MAN2A2: variants seen among roughly 807,000 people sequenced by gnomAD.
The protein encoded by MAN2A2 is alpha-mannosidase 2x.
Under a neutral mutation model 126.8 loss-of-function variants are expected in MAN2A2, and 79 were observed. The observed-to-expected ratio is 0.62, with a 90% CI of 0.52 to 0.75. The LOEUF is 0.75. Ranked by LOEUF, MAN2A2 falls within the 30% of genes least tolerant of loss-of-function variation. The pLI is 0.00. For synonymous variants in MAN2A2, 671 were observed against 618.7 expected (o/e 1.08, Z -1.25); for missense variants, 1,392 against 1,522.4 (o/e 0.91, Z 1.43).
At position 90,916,270 on chromosome 15, in the gene MAN2A2, C is replaced by T; in HGVS notation, c.2994+14C>T. 6.2e-7 allele frequency: 1 copy of T among 1,611,660 alleles called. No homozygotes were observed. The highest frequency in any genetic ancestry group is 1.1e-5 in the South Asian group (1 of 90,944). The stretch of plus-strand genomic sequence containing the variant: ...GTGGGCAGTGAGGTAACATCTGGGG[C>T]TGACGCCCAGGGAGCCAGGTCTGGC... On this transcript the variant is annotated intron_variant, in intron 20 of 22. Coordinates refer to ENST00000559717, the MANE Select transcript of MAN2A2 (RefSeq NM_006122.4).
intron 2 of MAN2A2, among the ~76,000 whole-genome samples, chr15:90,904,827 T>C (rs1287066332): frequency 6.6e-6 from 1 of 152,210 alleles, no homozygotes; most frequent in Non-Finnish European, 1.5e-5. Context: ...ACTCCTGACC[T>C]CAGGTGATCC....
Position 90,909,243 on chromosome 15 carries a change from G to A in MAN2A2, c.1197-84G>A. ...CCTTGGTGGATGGGATGTCTTCTAG[G>A]GGCTTGCTGGCGGGATGGCTGTGCG... On this transcript the variant is annotated intron_variant, in intron 8 of 22. Transcript: ENST00000559717. 2.9e-6 allele frequency: 4 copies of A among 1,380,548 alleles called. No individual in the cohort carries two copies. The Admixed American group carries it at 8.2e-5, about 28-fold the overall frequency. 85.5% of individuals were successfully genotyped at this position (1,380,548 alleles called of 1,614,324 possible).
At chr15:90,903,617 G>GA (rs2034011555) in intron 1 of MAN2A2, 185 bp downstream of exon 1, 1 of 195,206 alleles carries the variant, frequency 5.1e-6, no homozygotes, top group Non-Finnish European at 1.1e-5. Context: ...GAACAGTAGA[G>GA]AAACAGGGAG....
At chr15:90,911,272 A>G (rs770355740) in intron 13 of MAN2A2, 34 bp downstream of exon 13, 2 of 1,613,154 alleles carry the variant, frequency 1.2e-6, no homozygotes, top group South Asian at 2.2e-5. Flanking sequence ...AGAGAGGCAG[A>G]GCCATTCCCT....
intron 3 of MAN2A2, 23 bp downstream of exon 3, chr15:90,905,531 A>G (rs2034205529): frequency 6.2e-7 from 1 of 1,614,078 alleles, no homozygotes; most frequent in Middle Eastern, 1.6e-4. Flanking sequence ...GCTGGCAGGG[A>G]CGTACAGTGG....
At chr15:90,915,953 C>T (rs2035138792) in intron 19 of MAN2A2, 170 bp from the exon 20 acceptor site, 2 of 631,530 alleles carry the variant, frequency 3.2e-6, no homozygotes, top group Non-Finnish European at 5.3e-6. Flanking sequence ...ACGAGCCCCT[C>T]ATCAGGTTCC....
Position 90,913,416 on chromosome 15 carries a change from G to T in MAN2A2, c.2718+10G>T. 1.9e-6 allele frequency: 3 copies of T among 1,582,140 alleles called. No individual in the cohort carries two copies. The highest frequency in any genetic ancestry group is 2.6e-6 in the Non-Finnish European group (3 of 1,151,176). Reference sequence around the variant, plus strand: ...CCTCAATGGCTTTCAGGTGACTCCTGGGCCTGGGTCTCGGAGACCCCACAG... The same window carrying T: ...CCTCAATGGCTTTCAGGTGACTCCTTGGCCTGGGTCTCGGAGACCCCACAG... On this transcript the variant is annotated intron_variant, in intron 18 of 22. Coordinates refer to ENST00000559717, the MANE Select transcript of MAN2A2 (RefSeq NM_006122.4).
intron 16 of MAN2A2, 35 bp downstream of exon 16, chr15:90,912,699 A>G: frequency 6.2e-7 from 1 of 1,612,850 alleles, no homozygotes; most frequent in Non-Finnish European, 8.5e-7. Context: ...CCTGGCAGGG[A>G]GGGCAGGAGG....
intron 12 of MAN2A2, 72 bp from the exon 13 acceptor site, chr15:90,911,099 C>T: frequency 6.4e-7 from 1 of 1,552,726 alleles, no homozygotes; most frequent in Non-Finnish European, 8.9e-7. Flanking sequence ...CGCTGGTCCA[C>T]ACCTGGGACA....
At chr15:90,910,786 A>C in intron 11 of MAN2A2, 61 bp from the exon 12 acceptor site, 1 of 1,598,976 alleles carries the variant, frequency 6.3e-7, no homozygotes, top group South Asian at 1.1e-5. Context: ...TGTCCTGCTG[A>C]CAAGGCAGAC....
In MAN2A2 at chr15:90,906,801, C is replaced by A. The variant is rs762704351; in HGVS notation, c.897C>A (p.Tyr299Ter). Residue 299 changes from tyrosine to a stop codon, truncating the protein, a stop_gained, in exon 7 of 23, where the codon TAC becomes TAA. Coordinates refer to ENST00000559717, the MANE Select transcript of MAN2A2 (RefSeq NM_006122.4). LOFTEE classifies it high-confidence loss of function. Reference sequence around the variant, plus strand: ...TTGGATACAGCTCCACCATGCCTTACCTGCTGCGCCGTGCCAACCTCACCA... The same window carrying A: ...TTGGATACAGCTCCACCATGCCTTAACTGCTGCGCCGTGCCAACCTCACCA... ...DPFGYSSTMP[Y>*]LLRRANLTSM... The A allele has an allele frequency of 1.2e-6, 2 of 1,613,926 alleles. No homozygotes were observed. Among genetic ancestry groups the A allele is most frequent in the Non-Finnish European group, 1.7e-6 (2 of 1,179,992 alleles).
intron 22 of MAN2A2, 57 bp from the exon 23 acceptor site, chr15:90,919,578 A>G (rs2151333939): frequency 6.3e-7 from 1 of 1,590,312 alleles, no homozygotes; most frequent in South Asian, 1.1e-5. Flanking sequence ...ATGAACAGCC[A>G]CATTCTTTAG....
chr15:90,915,057 G>A lies in MAN2A2; in HGVS notation c.2861-1066G>A, dbSNP rs148917673. Among the ~76,000 whole-genome samples the A allele has an allele frequency of 7.9e-3, 1,200 of 152,342 alleles. 8 individuals are homozygous for A. The highest frequency in any genetic ancestry group is 0.013 in the Non-Finnish European group (868 of 68,026). On this transcript the variant is annotated intron_variant, in intron 19 of 22. Transcript: ENST00000559717. The stretch of plus-strand genomic sequence containing the variant: ...GTGGCCCAATGGCTGGCAAGTTCGG[G>A]GGCCTGACTCCCTGCTGGGAGGAGT...
intron 13 of MAN2A2, 54 bp downstream of exon 13, chr15:90,911,292 G>A: frequency 6.2e-7 from 1 of 1,613,134 alleles, no homozygotes; most frequent in Non-Finnish European, 8.5e-7. Context: ...TGGCTCTCAG[G>A]CCCCTCTGCC....
chr15:90,907,536 A>C (rs1433680987), intron 8 of MAN2A2, 41 bp downstream of exon 8: 2 of 1,582,728 alleles, frequency 1.3e-6, no homozygotes, highest in East Asian at 4.5e-5. Flanking sequence ...AGGAATCGGG[A>C]GGCCTGGCTC....
At position 90,921,983 on chromosome 15, in the gene MAN2A2, A is replaced by G. The variant is rs2035563732; in HGVS notation, c.*2196A>G. On this transcript the variant is annotated 3_prime_UTR_variant, in exon 23 of 23. Transcript: ENST00000559717. ...TACAAATTAGTTCCAGAGGGAAGATATACCACAAAATTACTCAAAAATTTT... is the reference window on the plus strand; with the variant it reads ...TACAAATTAGTTCCAGAGGGAAGATGTACCACAAAATTACTCAAAAATTTT... 1.3e-5 allele frequency: 2 copies of G among 152,166 alleles called. No homozygotes were observed. Among genetic ancestry groups the G allele is most frequent in the Non-Finnish European group, 2.9e-5 (2 of 68,026 alleles). The allele number at this position is 152,166 out of a possible 1,614,324, so 9.4% of individuals were successfully genotyped here.
At position 90,907,393 on chromosome 15, in the gene MAN2A2, A is replaced by G. The variant is rs2034384500; in HGVS notation, c.1094A>G (p.Lys365Arg). 13 of 1,614,106 alleles carry G rather than the reference A, an allele frequency of 8.1e-6. No homozygotes were observed. The highest frequency in any genetic ancestry group is 1.1e-5 in the Non-Finnish European group (13 of 1,179,964). The change falls in exon 8 of 23, where the codon AAG (lysine) becomes AGG (arginine). Residue 365 changes from lysine to arginine, a missense_variant. Physicochemically the swap from Lys to Arg is conservative, Grantham distance 26 (BLOSUM62 2). Transcript: ENST00000559717. Reference sequence around the variant, plus strand: ...CCCCATACCTGTGGCCCAGATCCCAAGATCTGCTGCCAATTTGATTTCAAA... The same window carrying G: ...CCCCATACCTGTGGCCCAGATCCCAGGATCTGCTGCCAATTTGATTTCAAA... ...DVPHTCGPDPKICCQFDFKRL... is the reference protein window; with the variant it reads ...DVPHTCGPDPRICCQFDFKRL...
chr15:90,912,214 A>T lies in MAN2A2; in HGVS notation c.2281A>T (p.Ser761Cys). 6.2e-7 allele frequency: 1 copy of T among 1,614,212 alleles called. No individual in the cohort carries two copies. Among genetic ancestry groups the T allele is most frequent in the Non-Finnish European group, 8.5e-7 (1 of 1,180,038 alleles). Reference protein sequence around the residue: ...FPLRVIDSGTSDFALSNRYMQ... With the variant: ...FPLRVIDSGTCDFALSNRYMQ... ...TCTCCGTGTCATTGACTCTGGCACC[A>T]GCGACTTCGCCCTCAGCAACCGCTA... Residue 761 changes from serine (S) to cysteine (C), a missense_variant, in exon 15 of 23, where the codon AGC becomes TGC. By Grantham distance (112) the Ser-to-Cys change is moderately radical. Transcript: ENST00000559717.
In MAN2A2 at chr15:90,910,497, G is replaced by GCC; in HGVS notation, c.1578-3_1578-2insCC. 1 of 1,613,594 alleles carries GCC rather than the reference G, an allele frequency of 6.2e-7. No individual in the cohort carries two copies. The highest frequency in any genetic ancestry group is 8.5e-7 in the Non-Finnish European group (1 of 1,179,940). On this transcript the variant is annotated splice_polypyrimidine_tract_variant and splice_region_variant and intron_variant, in intron 10 of 22. Coordinates refer to ENST00000559717, the MANE Select transcript of MAN2A2 (RefSeq NM_006122.4). ...GCTGGCAGCTAACTTCTCTCTCTGGGCAGGGGGGCAGAGGTTCTGTACAGC... is the reference window on the plus strand; with the variant it reads ...GCTGGCAGCTAACTTCTCTCTCTGGGCCCAGGGGGGCAGAGGTTCTGTACAGC...
Sources: allele counts gnomAD v4.1 joint callset (sites outside exome capture counted in the v4.1 genomes callset), GRCh38; gene constraint gnomAD v4.1.1; transcripts MANE v1.5; gene names NCBI Gene and HGNC (gene_info 2026-07-23, HGNC 2026-07-21).